Variants in TPH1 observed in about 807,000 individuals in gnomAD.
The protein encoded by TPH1 is tryptophan hydroxylase 1, also known as tryptophan 5-hydroxylase 1.
A neutral mutation model predicts 49.5 loss-of-function variants in TPH1; 37 were observed. That is an observed-to-expected ratio of 0.75 (90% CI 0.58 to 0.98). TPH1 has a LOEUF of 0.98. TPH1 is among the 50% of genes least tolerant of loss of function. The probability of loss-of-function intolerance (pLI) is 0.00; values close to 1 mark genes in which losing one functional copy is unlikely to be tolerated. For missense variants in TPH1, 487 were observed against 523.6 expected, an observed-to-expected ratio of 0.93 and a Z score of 0.68; for synonymous variants, 160 against 182.1, an observed-to-expected ratio of 0.88 and a Z score of 0.98.
intron 8 of TPH1, among the ~76,000 whole-genome samples, chr11:18,024,206 T>C (rs1747991644): frequency 6.6e-6 from 1 of 152,182 alleles, no homozygotes; most frequent in Admixed American, 6.5e-5. Context: ...CCAAAGCTTT[T>C]GTTGTGCGTG....
At chr11:18,046,167 C>T (rs1276083584) in intron 1 of TPH1, among the ~76,000 whole-genome samples, 74 bp downstream of exon 1, 1 of 152,228 alleles carries the variant, frequency 6.6e-6, no homozygotes, top group African/African-American at 2.4e-5. Flanking sequence ...CTCTGCCCAG[C>T]CCCGCGCCTG....
chr11:18,046,015 C>CT (rs1314780454), intron 1 of TPH1, among the ~76,000 whole-genome samples: 1 of 152,172 alleles, frequency 6.6e-6, no homozygotes, highest in Non-Finnish European at 1.5e-5. Context: ...GAGTCTGTTC[C>CT]TGGCACACAG....
At position 18,046,245 on chromosome 11, in the gene TPH1, G is replaced by T. The variant is rs1479083796; in HGVS notation, c.-31C>A. 6.6e-6 allele frequency among the ~76,000 whole-genome samples: 1 copy of T among 152,122 alleles called. No individual in the cohort carries two copies. Reference sequence around the variant, plus strand: ...GGGAAGGGCCGCCTCACTCACCTCGGGCGCCAGTAGGTGCAGGCTGGGTCG... The same window carrying T: ...GGGAAGGGCCGCCTCACTCACCTCGTGCGCCAGTAGGTGCAGGCTGGGTCG... On this transcript the variant is annotated 5_prime_UTR_variant, in exon 1 of 11. Transcript: ENST00000682019.
intron 10 of TPH1, among the ~76,000 whole-genome samples, chr11:18,022,442 C>T (rs1273690392): frequency 6.6e-6 from 1 of 152,168 alleles, no homozygotes; most frequent in Non-Finnish European, 1.5e-5. Context: ...ATGAATTGCT[C>T]TTGAATAAAA....
chr11:18,034,331 T>C (rs927859301), intron 3 of TPH1, among the ~76,000 whole-genome samples: 1 of 152,214 alleles, frequency 6.6e-6, no homozygotes, highest in African/African-American at 2.4e-5. Flanking sequence ...AGAACTCAGC[T>C]CTTCTTGCCC....
chr11:18,026,393 CAAAAAAAAAAAAA>C (rs57335932), intron 7 of TPH1, 84 bp downstream of exon 7: 10 of 588,762 alleles, frequency 1.7e-5, no homozygotes, highest in African/African-American at 3.5e-5. Flanking sequence ...CCTCGCACAC[CAAAAAAAAAAAAA>C]AAAAAAAAAA....
intron 3 of TPH1, 112 bp downstream of exon 3, chr11:18,035,847 G>A: frequency 1.1e-6 from 1 of 907,672 alleles, no homozygotes; most frequent in Non-Finnish European, 1.7e-6. Context: ...CAGACTGTAA[G>A]CAATTTGGAG....
rs767443173 is a variant in TPH1 at position 18,018,831 on chromosome 11, G to T, written c.*2160C>A. On this transcript the variant is annotated 3_prime_UTR_variant, in exon 11 of 11. Transcript: ENST00000682019. ...AATTCAATAAGTATGATTCTTCACC[G>T]TTATCAAAGTTGTATGAAAATAACC... 6.6e-6 allele frequency: 1 copy of T among 151,760 alleles called. No homozygotes were observed. The highest frequency in any genetic ancestry group is 2.1e-4 in the South Asian group (1 of 4,816). The allele number at this position is 151,760 out of a possible 1,614,324, so 9.4% of individuals were successfully genotyped here. A position where few individuals can be genotyped will look rare whatever the true frequency, so the allele number is the denominator to read the frequency against.
At chr11:18,035,627 C>A (rs78216675) in intron 3 of TPH1, among the ~76,000 whole-genome samples, 1,605 of 152,138 alleles carry the variant, frequency 0.011, 36 homozygotes, top group African/African-American at 0.037. Flanking sequence ...CTGGGTCTCT[C>A]CATGTTGCCC....
intron 4 of TPH1, among the ~76,000 whole-genome samples, chr11:18,031,193 A>G (rs61882465): frequency 0.13 from 20,041 of 152,210 alleles, 1,614 homozygotes; most frequent in Middle Eastern, 0.29. Context: ...TATTCTAGAC[A>G]TTTCATATAA....
intron 3 of TPH1, 123 bp downstream of exon 3, chr11:18,035,836 T>A (rs898096069): frequency 5.0e-6 from 4 of 807,110 alleles, no homozygotes; most frequent in Admixed American, 4.5e-5. Flanking sequence ...CCCTTCACTA[T>A]CAGACTGTAA....
In TPH1 at chr11:18,019,578, G is replaced by A. The variant is rs1854334994; in HGVS notation, c.*1413C>T. 2 of 450,304 alleles carry A rather than the reference G, an allele frequency of 4.4e-6. No homozygotes were observed. The highest frequency in any genetic ancestry group is 4.5e-6 in the Non-Finnish European group (1 of 224,508). 27.9% of individuals were successfully genotyped at this position (450,304 alleles called of 1,614,324 possible). ...TCCAGGAGTTCGTTGGAATTAAGGGGCAAAAAAATTCAAGAAAGATGTCAG... is the reference window on the plus strand; with the variant it reads ...TCCAGGAGTTCGTTGGAATTAAGGGACAAAAAAATTCAAGAAAGATGTCAG... On this transcript the variant is annotated 3_prime_UTR_variant, in exon 11 of 11. Transcript: ENST00000682019.
At chr11:18,043,085 A>G (rs1848112751) in intron 1 of TPH1, among the ~76,000 whole-genome samples, 1 of 152,210 alleles carries the variant, frequency 6.6e-6, no homozygotes, top group South Asian at 2.1e-4. Flanking sequence ...TACCATCACC[A>G]TGACATGCAG....
At chr11:18,034,292 A>G (rs978749162) in intron 3 of TPH1, among the ~76,000 whole-genome samples, 6 of 152,358 alleles carry the variant, frequency 3.9e-5, no homozygotes, top group African/African-American at 1.4e-4. Flanking sequence ...TATCCAAGGT[A>G]ACTCACTCCT....
intron 4 of TPH1, 29 bp from the exon 5 acceptor site, chr11:18,029,608 T>G (rs1241045724): frequency 1.3e-6 from 2 of 1,562,708 alleles, no homozygotes; most frequent in African/African-American, 2.7e-5. Flanking sequence ...TTTTTAAATA[T>G]CCATACTAAA....
At chr11:18,026,185 C>T (rs554573255) in intron 7 of TPH1, among the ~76,000 whole-genome samples, 1 of 152,172 alleles carries the variant, frequency 6.6e-6, no homozygotes, top group African/African-American at 2.4e-5. Flanking sequence ...CTGTTTCCCC[C>T]ACTGGAATAC....
intron 4 of TPH1, among the ~76,000 whole-genome samples, chr11:18,032,708 G>T (rs987878332): frequency 2.0e-5 from 3 of 151,358 alleles, no homozygotes; most frequent in Non-Finnish European, 4.4e-5. Context: ...ACCACGCCCG[G>T]CTAATTTTTT....
chr11:18,041,545 A>T (rs2134035776), intron 1 of TPH1, among the ~76,000 whole-genome samples: 1 of 152,344 alleles, frequency 6.6e-6, no homozygotes, highest in South Asian at 2.1e-4. Flanking sequence ...ATAACATCCA[A>T]AATTCTCACT....
At chr11:18,044,203 C>CATG (rs1848121476) in intron 1 of TPH1, among the ~76,000 whole-genome samples, 1 of 152,160 alleles carries the variant, frequency 6.6e-6, no homozygotes, top group Non-Finnish European at 1.5e-5. Flanking sequence ...GCGGGCGAAT[C>CATG]ATGAGGTCAA....
Sources: gnomAD v4.1 joint callset for allele counts (sites outside exome capture counted in the v4.1 genomes callset) on GRCh38, gnomAD v4.1.1 for gene constraint, MANE v1.5 for transcripts, NCBI Gene and HGNC (gene_info 2026-07-23, HGNC 2026-07-21) for gene names.